Variants in COL27A1 observed in about 807,000 individuals in gnomAD.
COL27A1 encodes collagen type XXVII alpha 1 chain.
COL27A1 carries 106 observed loss-of-function variants against 251.3 expected under a neutral mutation model. The observed-to-expected ratio is 0.42, with a 90% CI of 0.36 to 0.50. The LOEUF is 0.50. COL27A1 is among the 20% of genes least tolerant of loss of function. COL27A1 has a pLI of 0.00. For missense variants in COL27A1, 2,325 were observed against 2,522.8 expected, an observed-to-expected ratio of 0.92 and a Z score of 1.68; for synonymous variants, 1,000 against 986.3, an observed-to-expected ratio of 1.01 and a Z score of -0.26.
At position 114,290,590 on chromosome 9, in the gene COL27A1, G is replaced by T. The variant is rs188281722; in HGVS notation, c.4369-220G>T. Among the ~76,000 whole-genome samples, 3 of 151,706 alleles carry T rather than the reference G, an allele frequency of 2.0e-5. No individual in the cohort carries two copies. The highest frequency in any genetic ancestry group is 1.3e-4 in the Admixed American group (2 of 15,232). Reference sequence around the variant, plus strand: ...GCCTGGTGGATAGGGTTCCTCTCCCGCCCCTTCCTCACTCAGAATCCCGCC... The same window carrying T: ...GCCTGGTGGATAGGGTTCCTCTCCCTCCCCTTCCTCACTCAGAATCCCGCC... On this transcript the variant is annotated intron_variant, in intron 47 of 60. Coordinates refer to ENST00000356083, the MANE Select transcript of COL27A1 (RefSeq NM_032888.4). The surrounding 1 kb of genome is among the most constrained non-coding windows in gnomAD (Gnocchi z 4.6).
intron 34 of COL27A1, among the ~76,000 whole-genome samples, 187 bp downstream of exon 34, chr9:114,267,744 C>T (rs1834845511): frequency 1.3e-5 from 2 of 152,150 alleles, no homozygotes; most frequent in Non-Finnish European, 2.9e-5. Context: ...CCAGTGCCCT[C>T]TGCGAGGTAA....
chr9:114,242,517 G>A (rs754301623), intron 22 of COL27A1, among the ~76,000 whole-genome samples: 4 of 152,234 alleles, frequency 2.6e-5, no homozygotes, highest in Admixed American at 6.5e-5. Flanking sequence ...AGAGGCAAAC[G>A]AGAGTGAAGG....
chr9:114,246,083 G>A (rs897284477), intron 24 of COL27A1, 173 bp downstream of exon 24: 6 of 560,842 alleles, frequency 1.1e-5, no homozygotes, highest in African/African-American at 5.9e-5. Context: ...CCCTCAGAAC[G>A]GGGAAGTCTG....
At position 114,185,859 on chromosome 9, in the gene COL27A1, C is replaced by T. The variant is rs551716905; in HGVS notation, c.2016+2784C>T. ...TGCAGTCATCCCATCAGTGCATCTC[C>T]ACCTTCAGGTGCTTATGGCCTTGTG... On this transcript the variant is annotated intron_variant, in intron 5 of 60. Transcript: ENST00000356083. 3.9e-5 allele frequency among the ~76,000 whole-genome samples: 6 copies of T among 152,344 alleles called. No homozygotes were observed. The East Asian group carries it at 1.2e-3, about 29-fold the overall frequency.
intron 5 of COL27A1, among the ~76,000 whole-genome samples, chr9:114,183,716 C>T (rs928057214): frequency 5.9e-5 from 9 of 152,068 alleles, no homozygotes; most frequent in African/African-American, 2.2e-4. Context: ...ACATGTAGCC[C>T]GGTCAAGTGA....
Position 114,157,584 on chromosome 9 carries a change from G to T in COL27A1, c.62+1572G>T, listed in dbSNP as rs147850872. ...TTCTGAGCACACTCCCCTGTTCTTT[G>T]TTGGCATTTTCTCTCCTCCATCTCT... On this transcript the variant is annotated intron_variant, in intron 1 of 60. Transcript: ENST00000356083. 7.5e-3 allele frequency among the ~76,000 whole-genome samples: 1,148 copies of T among 152,310 alleles called. 17 individuals carry two copies. Among genetic ancestry groups the T allele is most frequent in the African/African-American group, 0.026 (1,078 of 41,566 alleles).
intron 7 of COL27A1, among the ~76,000 whole-genome samples, chr9:114,198,763 C>T (rs978979908): frequency 1.3e-5 from 2 of 152,130 alleles, no homozygotes; most frequent in Non-Finnish European, 2.9e-5. Context: ...ATTTGCTGGG[C>T]CAGTTCCCAA....
chr9:114,234,958 A>G (rs985993255), intron 16 of COL27A1, among the ~76,000 whole-genome samples: 7 of 151,580 alleles, frequency 4.6e-5, no homozygotes, highest in Non-Finnish European at 7.4e-5. Flanking sequence ...ACGCGCCTGT[A>G]GTCCCAGCTA....
intron 32 of COL27A1, 68 bp downstream of exon 32, chr9:114,265,543 C>A: frequency 6.6e-7 from 1 of 1,506,670 alleles, no homozygotes; most frequent in Non-Finnish European, 9.2e-7. Flanking sequence ...GCCAGGTGGT[C>A]AGATAAGGAG....
chr9:114,266,362 C>A (rs1437317105), intron 32 of COL27A1, among the ~76,000 whole-genome samples: 2 of 152,076 alleles, frequency 1.3e-5, no homozygotes, highest in Non-Finnish European at 2.9e-5. Context: ...GGAGAGTGTG[C>A]AGCTGTGTTG....
chr9:114,246,177 A>G (rs1332193180), intron 24 of COL27A1: 1 of 417,644 alleles, frequency 2.4e-6, no homozygotes, highest in Admixed American at 4.8e-5. Context: ...GCATTTGCCC[A>G]AAGAGGTTAT....
chr9:114,267,407 G>C (rs1007692433), intron 33 of COL27A1, 97 bp from the exon 34 acceptor site: 1 of 995,750 alleles, frequency 1.0e-6, no homozygotes, highest in Non-Finnish European at 1.5e-6. Context: ...GTGTGACCCT[G>C]GGTGTTCTCT....
chr9:114,305,879 C>T (rs929321974), intron 57 of COL27A1, among the ~76,000 whole-genome samples: 5 of 152,246 alleles, frequency 3.3e-5, no homozygotes, highest in African/African-American at 4.8e-5. Flanking sequence ...ACGTGACCTC[C>T]GCCACCCCCA....
At chr9:114,267,816 C>T (rs979918658) in intron 34 of COL27A1, among the ~76,000 whole-genome samples, 8 of 152,262 alleles carry the variant, frequency 5.3e-5, no homozygotes, top group Admixed American at 2.6e-4. Flanking sequence ...TGGCCTCATG[C>T]GATACCATCT....
chr9:114,168,453 C>G lies in COL27A1; in HGVS notation c.898C>G (p.Pro300Ala). The G allele has an allele frequency of 6.2e-7, 1 of 1,613,958 alleles. No individual in the cohort carries two copies. The highest frequency in any genetic ancestry group is 8.5e-7 in the Non-Finnish European group (1 of 1,179,962). The change falls in exon 3 of 61, where the codon CCC (proline) becomes GCC (alanine). Residue 300 changes from proline (P) to alanine (A), a missense_variant. This residue lies in a region of COL27A1 where 1,183 missense variants were observed against 1,144.1 expected (regional missense o/e 1.03). Coordinates refer to ENST00000356083, the MANE Select transcript of COL27A1 (RefSeq NM_032888.4). ...GTVAPATPTK[P>A]QRTSPTNPHQ... is the part of the protein sequence containing the mutation. Reference sequence around the variant, plus strand: ...TGTGGCACCCGCCACGCCCACCAAGCCCCAAAGGACTAGCCCCACAAACCC... The same window carrying G: ...TGTGGCACCCGCCACGCCCACCAAGGCCCAAAGGACTAGCCCCACAAACCC...
rs1828626023 is a variant in COL27A1 at position 114,301,466 on chromosome 9, A to G, written c.4809+4A>G. 2 of 1,074,696 alleles carry G rather than the reference A, an allele frequency of 1.9e-6. No individual in the cohort carries two copies. The highest frequency in any genetic ancestry group is 3.7e-4 in the Middle Eastern group (1 of 2,722). The allele number at this position is 1,074,696 out of a possible 1,614,324, so 66.6% of individuals were successfully genotyped here. On this transcript the variant is annotated splice_donor_region_variant and intron_variant, in intron 54 of 60. Transcript: ENST00000356083. ...CCAGGGATTGCAAGGTCCGAGGGTG[A>G]GTGGGCTGGGCATGAGGGCTGTGGG...
chr9:114,206,983 A>T lies in COL27A1; in HGVS notation c.2268+687A>T, dbSNP rs147510178. Among the ~76,000 whole-genome samples, 36 of 152,218 alleles carry T rather than the reference A, an allele frequency of 2.4e-4. No homozygotes were observed. In the East Asian group the frequency reaches 6.8e-3, roughly 29 times the overall value. On this transcript the variant is annotated intron_variant, in intron 10 of 60. Coordinates refer to ENST00000356083, the MANE Select transcript of COL27A1 (RefSeq NM_032888.4). ...GGTAAATGGAGTTGGAAAGATTTAG[A>T]GCTGATGTGGTGGAATCGTTTCTTT... is the stretch of plus-strand genomic sequence containing the variant.
At position 114,290,167 on chromosome 9, in the gene COL27A1, GC is replaced by G. The variant is rs960627431; in HGVS notation, c.4261-54del. ...ACCTCCCTGCCCGCCCCCCACACCC[GC>G]CCTCCTCCCACTCCCTGCACCAAAT... On this transcript the variant is annotated intron_variant, in intron 46 of 60. Coordinates refer to ENST00000356083, the MANE Select transcript of COL27A1 (RefSeq NM_032888.4). The surrounding 1 kb of genome is among the most constrained non-coding windows in gnomAD (Gnocchi z 4.6). 1.6e-5 allele frequency: 12 copies of G among 734,864 alleles called. No homozygotes were observed. The Admixed American group carries it at 2.1e-4, about 13-fold the overall frequency. The allele number at this position is 734,864 out of a possible 1,614,324, so 45.5% of individuals were successfully genotyped here.
In COL27A1 at chr9:114,240,501, GC is replaced by G; in HGVS notation, c.2835+19del. 1 of 1,605,604 alleles carries G rather than the reference GC, an allele frequency of 6.2e-7. No individual in the cohort carries two copies. On this transcript the variant is annotated intron_variant, in intron 21 of 60. Coordinates refer to ENST00000356083, the MANE Select transcript of COL27A1 (RefSeq NM_032888.4). ...CTGGGGCCCGAGGTGAGACTGTCTG[GC>G]CCCCTCCACTGCCCATCCTGGCCTG... is the stretch of plus-strand genomic sequence containing the variant.
Sources: gnomAD v4.1 joint callset for allele counts (sites outside exome capture counted in the v4.1 genomes callset) on GRCh38, gnomAD v4.1.1 for gene constraint, gnomAD v4.1.1 regional missense constraint, Gnocchi (gnomAD v3.1) non-coding constraint, MANE v1.5 for transcripts, NCBI Gene and HGNC (gene_info 2026-07-23, HGNC 2026-07-21) for gene names.